Variants in RPSA2 observed in about 807,000 individuals in gnomAD.
RPSA2 encodes the protein ribosomal protein SA 2, also known as small ribosomal subunit protein uS2B.
chr19:23,788,004 T>C, the RPSA2 span, among the ~76,000 whole-genome samples: 148,956 of 152,290 alleles, frequency 0.98, 72,939 homozygotes, highest in Middle Eastern at 1. Flanking sequence ...GCGACAGTGA[T>C]TTATTACTGG....
At chr19:23,761,901 A>ATTCT in the RPSA2 span, among the ~76,000 whole-genome samples, 7,491 of 34,058 alleles carry the variant, frequency 0.22, 1,065 homozygotes, top group Non-Finnish European at 0.25. Context: ...GGGTAACGTA[A>ATTCT]TTCTTTCTTT....
the RPSA2 span, among the ~76,000 whole-genome samples, chr19:23,811,006 C>CTT: frequency 6.8e-3 from 889 of 130,418 alleles, 18 homozygotes; most frequent in African/African-American, 0.022. Flanking sequence ...CTTAAAGGCA[C>CTT]TTTTTTTTTT....
At chr19:23,793,007 C>G in the RPSA2 span, among the ~76,000 whole-genome samples, 1 of 152,060 alleles carries the variant, frequency 6.6e-6, no homozygotes, top group Admixed American at 6.6e-5. Context: ...TATGGTGGCT[C>G]AGACTGAGGG....
At chr19:23,835,549 TTC>T in the RPSA2 span, among the ~76,000 whole-genome samples, 7 of 152,264 alleles carry the variant, frequency 4.6e-5, no homozygotes, top group South Asian at 6.2e-4. Context: ...CCCATGCAAA[TTC>T]TCTGTTTTAA....
At chr19:23,759,080 A>G in the RPSA2 span, among the ~76,000 whole-genome samples, 1 of 152,212 alleles carries the variant, frequency 6.6e-6, no homozygotes, top group East Asian at 1.9e-4. Flanking sequence ...GTTTTCAGAC[A>G]GGGCTCCCTC....
chr19:23,784,049 C>T, the RPSA2 span, among the ~76,000 whole-genome samples: 1 of 152,122 alleles, frequency 6.6e-6, no homozygotes, highest in Non-Finnish European at 1.5e-5. Flanking sequence ...TTGTTCTCTA[C>T]CCACAGGTGG....
At chr19:23,804,975 C>T in the RPSA2 span, among the ~76,000 whole-genome samples, 5 of 140,058 alleles carry the variant, frequency 3.6e-5, no homozygotes, top group Admixed American at 7.3e-5. Context: ...AGTTAAGTGC[C>T]GCCTTTGCAC....
chr19:23,852,322 C>T, the RPSA2 span, among the ~76,000 whole-genome samples: 3 of 135,748 alleles, frequency 2.2e-5, no homozygotes, highest in Non-Finnish European at 4.7e-5. Flanking sequence ...AGACCCTAAC[C>T]CAGCGGCGCT....
At chr19:23,836,320 TTTAA>T in the RPSA2 span, among the ~76,000 whole-genome samples, 2 of 152,244 alleles carry the variant, frequency 1.3e-5, no homozygotes, top group Admixed American at 1.3e-4. Context: ...TGCAAATGCT[TTTAA>T]TTAATTACTT....
chr19:23,773,320 G>T, the RPSA2 span, among the ~76,000 whole-genome samples: 1 of 150,140 alleles, frequency 6.7e-6, no homozygotes, highest in East Asian at 2.0e-4. Flanking sequence ...GAGTCTCACT[G>T]TCACCCAGGC....
the RPSA2 span, among the ~76,000 whole-genome samples, chr19:23,855,296 G>A: frequency 6.6e-6 from 1 of 152,212 alleles, no homozygotes; most frequent in African/African-American, 2.4e-5. Flanking sequence ...CTGAGATGGA[G>A]TTAGAACAGT....
At chr19:23,780,671 CTG>C in the RPSA2 span, among the ~76,000 whole-genome samples, 11 of 72,066 alleles carry the variant, frequency 1.5e-4, 1 homozygote, top group African/African-American at 4.9e-4. Flanking sequence ...AAAAACAAAA[CTG>C]ACTATCATTT....
At chr19:23,853,892 C>A in the RPSA2 span, among the ~76,000 whole-genome samples, 13 of 152,108 alleles carry the variant, frequency 8.5e-5, no homozygotes, top group Non-Finnish European at 1.2e-4. Context: ...ATGTTTAAGC[C>A]AGGAGGAAGG....
chr19:23,816,773 C>G, the RPSA2 span, among the ~76,000 whole-genome samples: 1 of 152,188 alleles, frequency 6.6e-6, no homozygotes, highest in African/African-American at 2.4e-5. Flanking sequence ...AAAGGCATGT[C>G]TCACATGGTG....
chr19:23,852,088 A>T, the RPSA2 span, among the ~76,000 whole-genome samples: 3 of 152,190 alleles, frequency 2.0e-5, no homozygotes, highest in Non-Finnish European at 4.4e-5. Context: ...GAATGAAGCG[A>T]AAACTAGAAG....
the RPSA2 span, among the ~76,000 whole-genome samples, chr19:23,863,156 C>A: frequency 6.6e-6 from 1 of 152,042 alleles, no homozygotes; most frequent in Non-Finnish European, 1.5e-5. Flanking sequence ...AACACTTAAC[C>A]CCTGGTTTAT....
chr19:23,847,824 A>G, the RPSA2 span, among the ~76,000 whole-genome samples: 1 of 152,092 alleles, frequency 6.6e-6, no homozygotes, highest in East Asian at 1.9e-4. Context: ...CAGGAATGCA[A>G]TTCTTTTCCC....
At chr19:23,761,042 GTATATATGTGTATA>G in the RPSA2 span, among the ~76,000 whole-genome samples, 2 of 148,790 alleles carry the variant, frequency 1.3e-5, no homozygotes, top group African/African-American at 5.0e-5. Flanking sequence ...TATATATAGG[GTATATATGTGTATA>G]TATATATATG....
At chr19:23,824,580 C>CTTTTTTTTTTTTTTTTTTTTTT in the RPSA2 span, among the ~76,000 whole-genome samples, 2 of 63,822 alleles carry the variant, frequency 3.1e-5, no homozygotes, top group African/African-American at 6.1e-5. Context: ...TATAGCATTT[C>CTTTTTTTTTTTTTTTTTTTTTT]TTTTTTTTTT....
Sources: allele counts gnomAD v4.1 joint callset (sites outside exome capture counted in the v4.1 genomes callset), GRCh38; gene constraint gnomAD v4.1.1; transcripts MANE v1.5; gene names NCBI Gene and HGNC (gene_info 2026-07-23, HGNC 2026-07-21).